Variants in MAGI1 observed in about 807,000 individuals in gnomAD.
MAGI1 encodes the protein membrane associated guanylate kinase, WW and PDZ domain containing 1, also known as membrane-associated guanylate kinase, WW and PDZ domain-containing protein 1.
MAGI1 carries 58 observed loss-of-function variants against 139.9 expected under a neutral mutation model. The ratio of observed to expected loss-of-function variants is 0.41; its 90% CI spans 0.34 to 0.52. MAGI1 has a LOEUF of 0.52. Ranked by LOEUF, MAGI1 falls within the 20% of genes least tolerant of loss-of-function variation. The probability of loss-of-function intolerance (pLI) is 0.12; values close to 1 mark genes in which losing one functional copy is unlikely to be tolerated. For synonymous variants in MAGI1, 812 were observed against 737.9 expected, an observed-to-expected ratio of 1.10 and a Z score of -1.63; for missense variants, 1,874 against 1,901.6, an observed-to-expected ratio of 0.99 and a Z score of 0.27.
intron 1 of MAGI1, among the ~76,000 whole-genome samples, chr3:65,795,696 T>TACACACACAC (rs10527666): frequency 0.018 from 2,522 of 138,978 alleles, 62 homozygotes; most frequent in African/African-American, 0.05. Context: ...GATGATAAGA[T>TACACACACAC]ACACACACAC....
At chr3:65,648,614 T>C in intron 1 of MAGI1, among the ~76,000 whole-genome samples, 1 of 151,972 alleles carries the variant, frequency 6.6e-6, no homozygotes, top group East Asian at 1.9e-4. Context: ...ATTCAAAGAG[T>C]CGACACAGTA....
intron 1 of MAGI1, among the ~76,000 whole-genome samples, chr3:65,992,112 G>T (rs1438070417): frequency 6.6e-6 from 1 of 152,174 alleles, no homozygotes; most frequent in Non-Finnish European, 1.5e-5. Flanking sequence ...GCCAGAGAAA[G>T]TCGGAGTTTG....
chr3:65,611,444 T>C (rs2083104187), intron 2 of MAGI1, among the ~76,000 whole-genome samples: 1 of 144,988 alleles, frequency 6.9e-6, no homozygotes, highest in African/African-American at 2.5e-5. Context: ...ACAGTATATA[T>C]AGTATACTGT....
chr3:65,889,418 C>T (rs2108564405), intron 1 of MAGI1, among the ~76,000 whole-genome samples: 1 of 152,302 alleles, frequency 6.6e-6, no homozygotes, highest in Non-Finnish European at 1.5e-5. Context: ...ACACACTCAA[C>T]ATTTTCAGTA....
chr3:65,857,980 G>C (rs1250916316), intron 1 of MAGI1, among the ~76,000 whole-genome samples: 3 of 152,090 alleles, frequency 2.0e-5, no homozygotes, highest in African/African-American at 4.8e-5. Flanking sequence ...TATGGTGCTT[G>C]TGCCTATAGT....
intron 1 of MAGI1, among the ~76,000 whole-genome samples, chr3:65,811,463 G>C (rs1345991825): frequency 6.6e-6 from 1 of 152,110 alleles, no homozygotes; most frequent in African/African-American, 2.4e-5. Flanking sequence ...TATTTGGACT[G>C]GGAATCCAAC....
At chr3:65,999,823 T>C (rs1576414415) in intron 1 of MAGI1, among the ~76,000 whole-genome samples, 1 of 151,952 alleles carries the variant, frequency 6.6e-6, no homozygotes, top group South Asian at 2.1e-4. Context: ...AACTAATAAG[T>C]AACCTATCTG....
At chr3:65,764,094 A>AC (rs1201188306) in intron 1 of MAGI1, among the ~76,000 whole-genome samples, 1 of 151,418 alleles carries the variant, frequency 6.6e-6, no homozygotes, top group Non-Finnish European at 1.5e-5. Context: ...GAAAAAAAAA[A>AC]AAAAAACCTT....
intron 12 of MAGI1, among the ~76,000 whole-genome samples, chr3:65,412,532 C>T (rs978781938): frequency 7.2e-5 from 11 of 152,150 alleles, no homozygotes; most frequent in African/African-American, 1.2e-4. Context: ...TCTATTTTAT[C>T]GGTCTATCCC....
At chr3:65,584,880 A>G (rs1162258446) in intron 2 of MAGI1, among the ~76,000 whole-genome samples, 1 of 152,188 alleles carries the variant, frequency 6.6e-6, no homozygotes, top group East Asian at 1.9e-4. Context: ...GTACTGTGCT[A>G]GACACTGGTG....
intron 1 of MAGI1, among the ~76,000 whole-genome samples, chr3:65,793,485 G>A (rs963059265): frequency 6.6e-6 from 1 of 152,214 alleles, no homozygotes; most frequent in South Asian, 2.1e-4. Flanking sequence ...CTTTTACTGA[G>A]AAGAAAAGCA....
rs375866687 is a variant in MAGI1 at position 65,433,792 on chromosome 3, G to T, written c.1364-2911C>A. On this transcript the variant is annotated intron_variant, in intron 10 of 22. Transcript: ENST00000402939. ...AGGTGCATGTTTCCCTGCCAGGATG[G>T]GGGGAGGGGAAAGAAATGTCACTTC... Among the ~76,000 whole-genome samples, 24 of 152,074 alleles carry T rather than the reference G, an allele frequency of 1.6e-4. No homozygotes were observed. The South Asian group carries it at 3.3e-3, about 21-fold the overall frequency.
chr3:65,718,114 A>T (rs1391681816), intron 1 of MAGI1, among the ~76,000 whole-genome samples: 1 of 152,162 alleles, frequency 6.6e-6, no homozygotes, highest in Admixed American at 6.5e-5. Flanking sequence ...CTAACTCCTG[A>T]TAAGGTGTTC....
At chr3:65,484,577 G>C (rs1025712856) in intron 3 of MAGI1, among the ~76,000 whole-genome samples, 1 of 152,064 alleles carries the variant, frequency 6.6e-6, no homozygotes, top group African/African-American at 2.4e-5. Flanking sequence ...TTTTGCCTTG[G>C]CCTCACGGTC....
At chr3:65,591,487 T>C (rs998891398) in intron 2 of MAGI1, among the ~76,000 whole-genome samples, 2 of 152,126 alleles carry the variant, frequency 1.3e-5, no homozygotes, top group Non-Finnish European at 2.9e-5. Flanking sequence ...CTTCCTGTCA[T>C]AACAACTTCC....
chr3:65,941,326 G>A (rs1201861212), intron 1 of MAGI1, among the ~76,000 whole-genome samples: 2 of 150,486 alleles, frequency 1.3e-5, no homozygotes, highest in African/African-American at 2.5e-5. Context: ...CAGCCTAGGT[G>A]ACACAGCAAG....
chr3:65,896,757 A>C (rs756153639), intron 1 of MAGI1, among the ~76,000 whole-genome samples: 7 of 152,236 alleles, frequency 4.6e-5, no homozygotes, highest in Non-Finnish European at 7.3e-5. Flanking sequence ...TGAAATACTA[A>C]GTAAAACTTT....
rs550753150 is a variant in MAGI1 at position 65,838,373 on chromosome 3, T to C, written c.313+199623A>G. 5.9e-5 allele frequency among the ~76,000 whole-genome samples: 9 copies of C among 151,494 alleles called. No homozygotes were observed. In the South Asian group the frequency reaches 1.9e-3, roughly 31 times the overall value. ...TATTTCATCACCACAAACATCTCCC[T>C]TGTGCTACTCCTTTAGTGCATACAC... On this transcript the variant is annotated intron_variant, in intron 1 of 22. Coordinates refer to ENST00000402939, the MANE Select transcript of MAGI1 (RefSeq NM_001033057.2).
At chr3:65,961,458 C>G (rs1275587328) in intron 1 of MAGI1, among the ~76,000 whole-genome samples, 4 of 152,120 alleles carry the variant, frequency 2.6e-5, no homozygotes, top group Admixed American at 6.5e-5. Context: ...AATAGATGAT[C>G]AGTATAATAA....
Sources: gnomAD v4.1 joint callset for allele counts (sites outside exome capture counted in the v4.1 genomes callset) on GRCh38, gnomAD v4.1.1 for gene constraint, MANE v1.5 for transcripts, NCBI Gene and HGNC (gene_info 2026-07-23, HGNC 2026-07-21) for gene names.